SNX29: variants seen among roughly 807,000 people sequenced by gnomAD.
SNX29 encodes the protein sorting nexin 29.
A neutral mutation model predicts 102.1 loss-of-function variants in SNX29; 78 were observed. The ratio of observed to expected loss-of-function variants is 0.76; its 90% CI spans 0.64 to 0.92. The LOEUF is 0.92. Ranked by LOEUF, SNX29 falls within the 40% of genes least tolerant of loss-of-function variation. SNX29 has a pLI of 0.00. For synonymous variants in SNX29, 580 were observed against 414.5 expected (o/e 1.40, Z -4.85); for missense variants, 1,280 against 1,061.7 (o/e 1.21, Z -2.86).
intron 19 of SNX29, among the ~76,000 whole-genome samples, chr16:12,490,085 C>T (rs2088468034): frequency 2.6e-5 from 4 of 152,156 alleles, no homozygotes; most frequent in South Asian, 2.1e-4. Context: ...GGATTACAGG[C>T]GTGAGCCACA....
At chr16:12,358,471 A>G (rs949506009) in intron 16 of SNX29, among the ~76,000 whole-genome samples, 4 of 152,216 alleles carry the variant, frequency 2.6e-5, no homozygotes, top group Non-Finnish European at 5.9e-5. Flanking sequence ...CAGGAGGCTG[A>G]GGCATGAGAA....
chr16:12,537,492 G>A (rs551210583), intron 20 of SNX29, among the ~76,000 whole-genome samples: 1 of 152,160 alleles, frequency 6.6e-6, no homozygotes, highest in African/African-American at 2.4e-5. Context: ...GGTGATAGTG[G>A]CAGAGATTTC....
At chr16:12,415,259 C>T (rs186110056) in intron 18 of SNX29, among the ~76,000 whole-genome samples, 3 of 152,258 alleles carry the variant, frequency 2.0e-5, no homozygotes, top group Non-Finnish European at 4.4e-5. Flanking sequence ...ACAAGCGCCA[C>T]ACTGTCCTGA....
intron 20 of SNX29, among the ~76,000 whole-genome samples, chr16:12,567,959 C>T (rs747065440): frequency 6.6e-6 from 1 of 152,140 alleles, no homozygotes; most frequent in African/African-American, 2.4e-5. Flanking sequence ...GATCAGTGTC[C>T]CCCTCTTGGT....
intron 20 of SNX29, among the ~76,000 whole-genome samples, chr16:12,555,413 C>T (rs1206228900): frequency 2.0e-5 from 3 of 152,094 alleles, no homozygotes; most frequent in East Asian, 1.9e-4. Context: ...CTGCTGGCCC[C>T]TCAGGTTGCT....
intron 19 of SNX29, among the ~76,000 whole-genome samples, chr16:12,517,429 C>T (rs763403999): frequency 6.6e-6 from 1 of 152,170 alleles, no homozygotes; most frequent in Non-Finnish European, 1.5e-5. Flanking sequence ...CCCTGGTGTT[C>T]GGCTCTCTTT....
chr16:12,242,568 T>C (rs2078139570), intron 14 of SNX29, among the ~76,000 whole-genome samples: 1 of 151,220 alleles, frequency 6.6e-6, no homozygotes, highest in Non-Finnish European at 1.5e-5. Context: ...GGCCGGCTCT[T>C]TTCTTCTTCT....
intron 19 of SNX29, among the ~76,000 whole-genome samples, chr16:12,484,689 A>G (rs1302382747): frequency 2.6e-5 from 4 of 152,132 alleles, no homozygotes; most frequent in African/African-American, 7.2e-5. Flanking sequence ...GGCCATTCCC[A>G]GATTCCTACA....
intron 8 of SNX29, among the ~76,000 whole-genome samples, chr16:12,060,459 G>A (rs72784638): frequency 1.8e-4 from 28 of 152,172 alleles, no homozygotes; most frequent in South Asian, 1.0e-3. Flanking sequence ...AAAATTAGCC[G>A]GGTATGGTGG....
chr16:12,527,384 C>T (rs1346832460), intron 20 of SNX29: 1 of 496,764 alleles, frequency 2.0e-6, no homozygotes, highest in Non-Finnish European at 3.9e-6. Flanking sequence ...AAATCTCCTG[C>T]CTAAGGAAAT....
At chr16:12,007,404 C>T (rs558749520) in intron 3 of SNX29, among the ~76,000 whole-genome samples, 1 of 152,216 alleles carries the variant, frequency 6.6e-6, no homozygotes, top group Admixed American at 6.5e-5. Flanking sequence ...ACTCGGGAGG[C>T]TGAGACAGGA....
chr16:12,299,903 C>G (rs1182181448), intron 15 of SNX29, among the ~76,000 whole-genome samples: 2 of 151,072 alleles, frequency 1.3e-5, no homozygotes, highest in East Asian at 3.9e-4. Flanking sequence ...TCGAGTCTTG[C>G]TCTGTCACGC....
intron 18 of SNX29, among the ~76,000 whole-genome samples, chr16:12,430,154 C>CT (rs2085252344): frequency 6.6e-6 from 1 of 152,184 alleles, no homozygotes; most frequent in East Asian, 1.9e-4. Context: ...ATCTAATGCC[C>CT]AAAGATCTGA....
chr16:12,396,878 A>G (rs1413680649), intron 16 of SNX29, among the ~76,000 whole-genome samples: 1 of 152,250 alleles, frequency 6.6e-6, no homozygotes, highest in East Asian at 1.9e-4. Flanking sequence ...AGTACAAAAA[A>G]GTTCAAAATA....
chr16:12,377,582 G>C (rs1286417401), intron 16 of SNX29, among the ~76,000 whole-genome samples: 1 of 152,206 alleles, frequency 6.6e-6, no homozygotes, highest in African/African-American at 2.4e-5. Context: ...CAACGGGTAG[G>C]TTATGAGGCT....
intron 18 of SNX29, among the ~76,000 whole-genome samples, chr16:12,405,556 T>G (rs2084126779): frequency 6.6e-6 from 1 of 152,198 alleles, no homozygotes; most frequent in Non-Finnish European, 1.5e-5. Flanking sequence ...TTGCATGCAA[T>G]TATTTTTCTC....
At chr16:12,548,018 G>A (rs949794526) in intron 20 of SNX29, among the ~76,000 whole-genome samples, 76 of 152,200 alleles carry the variant, frequency 5.0e-4, no homozygotes, top group African/African-American at 1.8e-3. Context: ...CTGGACTTTT[G>A]CACTGCTCAT....
chr16:12,525,088 T>C (rs1226722437), intron 20 of SNX29, among the ~76,000 whole-genome samples: 1 of 152,162 alleles, frequency 6.6e-6, no homozygotes, highest in East Asian at 1.9e-4. Context: ...ACAAAGAAAC[T>C]TGGGGCTCTG....
chr16:12,417,940 ACTGT>A (rs760588992), intron 18 of SNX29, among the ~76,000 whole-genome samples: 10 of 152,212 alleles, frequency 6.6e-5, no homozygotes, highest in Admixed American at 4.6e-4. Flanking sequence ...GGTACTCCGC[ACTGT>A]CTGTCTTTGG....
Sources: allele counts gnomAD v4.1 joint callset (sites outside exome capture counted in the v4.1 genomes callset), GRCh38; gene constraint gnomAD v4.1.1; transcripts MANE v1.5; gene names NCBI Gene and HGNC (gene_info 2026-07-23, HGNC 2026-07-21).